CSMD1: variants seen among roughly 807,000 people sequenced by gnomAD.
The protein encoded by CSMD1 is CUB and Sushi multiple domains 1.
A neutral mutation model predicts 417.5 loss-of-function variants in CSMD1; 213 were observed. That is an observed-to-expected ratio of 0.51 (90% CI 0.46 to 0.57). The LOEUF is 0.57. Among genes scored for constraint, CSMD1 ranks in the 20% least tolerant of loss-of-function variants. The pLI, the probability that CSMD1 is intolerant of heterozygous loss-of-function variation, is 0.00. For missense variants in CSMD1, 6,923 were observed against 4,529.7 expected, an observed-to-expected ratio of 1.53 and a Z score of -15.17; for synonymous variants, 2,862 against 1,736.8, an observed-to-expected ratio of 1.65 and a Z score of -16.11.
intron 11 of CSMD1, among the ~76,000 whole-genome samples, chr8:3,490,631 G>A (rs1368156853): frequency 6.6e-6 from 1 of 152,056 alleles, no homozygotes; most frequent in Non-Finnish European, 1.5e-5. Flanking sequence ...TTTATAGCCA[G>A]GAAAAGACAG....
chr8:3,159,168 A>G (rs1026579695), intron 38 of CSMD1, among the ~76,000 whole-genome samples: 8 of 152,192 alleles, frequency 5.3e-5, no homozygotes, highest in Non-Finnish European at 1.2e-4. Flanking sequence ...AAAAACATAG[A>G]GTTCAAAAGT....
At chr8:4,940,916 G>C (rs1168871224) in intron 1 of CSMD1, among the ~76,000 whole-genome samples, 1 of 152,172 alleles carries the variant, frequency 6.6e-6, no homozygotes, top group Non-Finnish European at 1.5e-5. Flanking sequence ...TCCAAGAGGA[G>C]AAGTGTTTGG....
At chr8:4,872,901 G>A (rs565228370) in intron 1 of CSMD1, among the ~76,000 whole-genome samples, 7 of 152,132 alleles carry the variant, frequency 4.6e-5, no homozygotes, top group African/African-American at 7.2e-5. Flanking sequence ...TTTGTGCGAT[G>A]TCTGAATTTT....
intron 12 of CSMD1, among the ~76,000 whole-genome samples, chr8:3,411,921 C>T (rs1383347611): frequency 1.7e-5 from 2 of 121,040 alleles, no homozygotes; most frequent in African/African-American, 6.4e-5. Flanking sequence ...TATATATGCA[C>T]GTATATATAC....
chr8:3,550,797 A>G (rs1369998854), intron 10 of CSMD1, among the ~76,000 whole-genome samples: 1 of 152,346 alleles, frequency 6.6e-6, no homozygotes, highest in South Asian at 2.1e-4. Flanking sequence ...GGTCACAGAC[A>G]GGCACCTCGT....
intron 10 of CSMD1, among the ~76,000 whole-genome samples, chr8:3,528,113 A>G (rs1013749229): frequency 2.6e-5 from 4 of 152,236 alleles, no homozygotes; most frequent in African/African-American, 9.6e-5. Flanking sequence ...GGAATACTGG[A>G]AAGTGATTCT....
intron 1 of CSMD1, among the ~76,000 whole-genome samples, chr8:4,980,737 T>C (rs1392592277): frequency 6.6e-6 from 1 of 152,036 alleles, no homozygotes; most frequent in Admixed American, 6.6e-5. Context: ...ACCCTGTCTC[T>C]GCAAAAAGCT....
chr8:4,501,846 T>C (rs1154097), intron 2 of CSMD1, among the ~76,000 whole-genome samples: 6,572 of 152,156 alleles, frequency 0.043, 419 homozygotes, highest in African/African-American at 0.14. Context: ...ATCAGAGGTA[T>C]GTCTGTATAG....
At chr8:4,320,233 G>A (rs952786486) in intron 3 of CSMD1, among the ~76,000 whole-genome samples, 5 of 152,084 alleles carry the variant, frequency 3.3e-5, no homozygotes, top group Admixed American at 6.6e-5. Context: ...AAATTACCAG[G>A]CATGAAAAGA....
intron 25 of CSMD1, among the ~76,000 whole-genome samples, chr8:3,300,546 G>A (rs1804312622): frequency 6.6e-6 from 1 of 152,104 alleles, no homozygotes; most frequent in African/African-American, 2.4e-5. Flanking sequence ...ATATGAGGAT[G>A]CTCACACCCT....
intron 7 of CSMD1, among the ~76,000 whole-genome samples, chr8:3,666,155 C>G (rs764660032): frequency 6.6e-6 from 1 of 152,168 alleles, no homozygotes; most frequent in Non-Finnish European, 1.5e-5. Context: ...CCTGGCCTCC[C>G]CAAATGCTGG....
chr8:3,428,579 A>G (rs1198109063), intron 12 of CSMD1, among the ~76,000 whole-genome samples: 4 of 152,284 alleles, frequency 2.6e-5, no homozygotes, highest in East Asian at 1.9e-4. Context: ...ATTTAGAAAA[A>G]CTGTGTGTAA....
At chr8:3,547,528 G>C (rs1432525886) in intron 10 of CSMD1, among the ~76,000 whole-genome samples, 3 of 152,056 alleles carry the variant, frequency 2.0e-5, no homozygotes, top group Non-Finnish European at 4.4e-5. Context: ...TCTCAAATAA[G>C]AAAATATTTT....
At chr8:3,536,071 G>A (rs1585322059) in intron 10 of CSMD1, among the ~76,000 whole-genome samples, 1 of 152,302 alleles carries the variant, frequency 6.6e-6, no homozygotes, top group Middle Eastern at 3.4e-3. Flanking sequence ...CCATACACAA[G>A]TAGAGATGTC....
chr8:4,694,383 G>T (rs551848446), intron 1 of CSMD1, among the ~76,000 whole-genome samples: 8 of 151,636 alleles, frequency 5.3e-5, no homozygotes, highest in Admixed American at 3.3e-4. Flanking sequence ...ACGGAGTCTC[G>T]CTCTGTCGCC....
At chr8:3,629,440 A>T (rs1403421013) in intron 7 of CSMD1, among the ~76,000 whole-genome samples, 1 of 152,204 alleles carries the variant, frequency 6.6e-6, no homozygotes, top group East Asian at 1.9e-4. Context: ...TAAAATATCA[A>T]CCATACAATA....
chr8:4,482,379 G>T (rs978132933), intron 2 of CSMD1, among the ~76,000 whole-genome samples: 1 of 152,128 alleles, frequency 6.6e-6, no homozygotes, highest in Non-Finnish European at 1.5e-5. Flanking sequence ...GTTTGCTAAG[G>T]ATAATGGCCT....
intron 44 of CSMD1, 139 bp downstream of exon 44, chr8:3,108,464 C>T: frequency 4.1e-6 from 3 of 737,126 alleles, no homozygotes; most frequent in Admixed American, 3.0e-5. Context: ...ACAGGAAACG[C>T]TGGCCTCCAG....
chr8:4,467,884 C>G (rs370218997), intron 2 of CSMD1, among the ~76,000 whole-genome samples: 1 of 152,176 alleles, frequency 6.6e-6, no homozygotes, highest in East Asian at 1.9e-4. Context: ...ACAGAATCAT[C>G]TAGTGGGTTG....
Sources: allele counts gnomAD v4.1 joint callset (sites outside exome capture counted in the v4.1 genomes callset), GRCh38; gene constraint gnomAD v4.1.1; transcripts MANE v1.5; gene names NCBI Gene and HGNC (gene_info 2026-07-23, HGNC 2026-07-21).